Variants in ARMC5 observed in about 807,000 individuals in gnomAD.
ARMC5 encodes the protein armadillo repeat containing 5.
Under a neutral mutation model 60.5 loss-of-function variants are expected in ARMC5, and 28 were observed. The observed-to-expected ratio is 0.46, with a 90% CI of 0.34 to 0.63. The LOEUF (loss-of-function observed/expected upper bound fraction) is 0.63, where lower values mean the gene tolerates loss of function less well. Among genes scored for constraint, ARMC5 ranks in the 30% least tolerant of loss-of-function variants. ARMC5 has a pLI of 0.01. For synonymous variants in ARMC5, 680 were observed against 607.3 expected (o/e 1.12, Z -1.76); for missense variants, 1,189 against 1,304.9 (o/e 0.91, Z 1.37).
rs1368497412 is a variant in ARMC5 at position 31,461,936 on chromosome 16, T to C, written c.490T>C (p.Cys164Arg). Residue 164 changes from cysteine to arginine, a missense_variant, in exon 2 of 6, where the codon TGC (cysteine) becomes CGC (arginine). By Grantham distance (180) the Cys-to-Arg change is radical. Coordinates refer to ENST00000268314, the MANE Select transcript of ARMC5 (RefSeq NM_001105247.2). ...TGTCGTTGCAGTGACCATTCTTCAG[T>C]GCATGAAGACAGACAGCATCCAGAA... ...GILPLVTILQ[C>R]MKTDSIQNRT... 4.3e-6 allele frequency: 7 copies of C among 1,614,152 alleles called. No homozygotes were observed. The highest frequency in any genetic ancestry group is 5.9e-6 in the Non-Finnish European group (7 of 1,179,974).
rs866494063 is a variant in ARMC5 at position 31,464,726 on chromosome 16, G to A, written c.1703G>A (p.Arg568His). 1.9e-6 allele frequency: 3 copies of A among 1,599,082 alleles called. No homozygotes were observed. The highest frequency in any genetic ancestry group is 1.7e-5 in the Admixed American group (1 of 59,944). Residue 568 changes from arginine to histidine, a missense_variant, in exon 4 of 6, where the codon CGC (arginine) becomes CAC (histidine). Coordinates refer to ENST00000268314, the MANE Select transcript of ARMC5 (RefSeq NM_001105247.2). This position sits in a 1 kb window ranked among gnomAD's most constrained non-coding sequence, Gnocchi z 7.6. ...GGCCCGCCCAGCCCACGTGCACTGC[G>A]CATTCTGTCACGCCTCACCTGCAAC... ...APGPPSPRAL[R>H]ILSRLTCNPA...
rs368726142 is a variant in ARMC5, at chr16:31,464,987, C to T, written c.1864+100C>T. The T allele has an allele frequency of 3.1e-6, 5 of 1,610,588 alleles. No individual in the cohort carries two copies. The African/African-American group carries it at 5.3e-5, about 17-fold the overall frequency. ...GAACCTCACCTTCCCACTCACCTGT[C>T]CTCCCCAGCCCGTCCTCCAGACAAC... On this transcript the variant is annotated intron_variant, in intron 4 of 5. Coordinates refer to ENST00000268314, the MANE Select transcript of ARMC5 (RefSeq NM_001105247.2). This position sits in a 1 kb window ranked among gnomAD's most constrained non-coding sequence, Gnocchi z 7.6.
rs547658734 is a variant in ARMC5, at chr16:31,462,882, T to C, written c.1335T>C (p.Pro445=). 2.4e-5 allele frequency: 38 copies of C among 1,610,982 alleles called. No individual in the cohort carries two copies. In the East Asian group the frequency reaches 7.6e-4, roughly 32 times the overall value. The change falls in exon 3 of 6, where the codon CCT becomes CCC. Residue 445 remains proline, a synonymous_variant. Coordinates refer to ENST00000268314, the MANE Select transcript of ARMC5 (RefSeq NM_001105247.2). The surrounding 1 kb of genome is among the most constrained non-coding windows in gnomAD (Gnocchi z 7.2). ...GGGACTTTCCTGAGGAGAGGACCCC[T>C]GAGCGGGCACAGGGTGGAAGCTTCC... ...ASWDFPEERT[P]ERAQGGSFRS... is the part of the protein sequence containing the mutation.
Position 31,465,703 on chromosome 16 carries a change from G to A in ARMC5, c.1865-147G>A, listed in dbSNP as rs985649055. ...TTGTCCTGGACCTCAGGTTCCCAGC[G>A]TCCCGAGCCCAGCACTGTCTCTTCA... On this transcript the variant is annotated intron_variant, in intron 4 of 5. Transcript: ENST00000268314. 3.5e-5 allele frequency: 51 copies of A among 1,468,844 alleles called. No homozygotes were observed. In the Middle Eastern group the frequency reaches 8.5e-4, roughly 24 times the overall value. 91.0% of individuals were successfully genotyped at this position (1,468,844 alleles called of 1,614,324 possible).
At chr16:31,465,141 C>G (rs1196219012) in intron 4 of ARMC5, 1 of 1,613,502 alleles carries the variant, frequency 6.2e-7, no homozygotes, top group South Asian at 1.1e-5. Context: ...GCCCCGCGCC[C>G]AGGATCTGGG....
In ARMC5 at chr16:31,466,232, C is replaced by T; in HGVS notation, c.2151C>T (p.Ser717=). 1 of 1,613,766 alleles carries T rather than the reference C, an allele frequency of 6.2e-7. No homozygotes were observed. Residue 717 remains serine, a synonymous_variant, in exon 6 of 6, where the codon AGC becomes AGT. Coordinates refer to ENST00000268314, the MANE Select transcript of ARMC5 (RefSeq NM_001105247.2). This position sits in a 1 kb window ranked among gnomAD's most constrained non-coding sequence, Gnocchi z 8.0. ...AAGACCTGGTGTCTCCCACTGTGAG[C>T]CCAGCTGTCCCACAGGCAGTCCCCA... is the stretch of plus-strand genomic sequence containing the variant. ...CLQDLVSPTV[S]PAVPQAVPMD... is the part of the protein sequence containing the mutation.
intron 4 of ARMC5, 183 bp downstream of exon 4, chr16:31,465,070 C>G: frequency 6.2e-7 from 1 of 1,613,992 alleles, no homozygotes; most frequent in South Asian, 1.1e-5. Flanking sequence ...GGCCCACAGG[C>G]AGAGTTCTGC....
chr16:31,466,375 CG>C lies in ARMC5; in HGVS notation c.2296del (p.Ala766ProfsTer151). 1 of 1,612,774 alleles carries C rather than the reference CG, an allele frequency of 6.2e-7. No individual in the cohort carries two copies. The highest frequency in any genetic ancestry group is 8.5e-7 in the Non-Finnish European group (1 of 1,179,846). On this transcript the variant is annotated frameshift_variant, in exon 6 of 6. Transcript: ENST00000268314. LOFTEE classifies it high-confidence loss of function. This position sits in a 1 kb window ranked among gnomAD's most constrained non-coding sequence, Gnocchi z 8.0. ...GGCCTCCAGCTCCCTGCCCAGCGAG[CG>C]GCCTCAGCCACCGCCTCCCCTTTCT... Reference protein sequence around the residue: ...DSGLQLPAQRAASATASPFFR... With the variant: ...DSGLQLPAQRXASATASPFFR...
At chr16:31,459,478 T>G (rs1372928234), upstream of ARMC5, 1 of 1,570,326 alleles carries the variant, frequency 6.4e-7, no homozygotes, top group Non-Finnish European at 8.6e-7. Flanking sequence ...TTCCGCTCCC[T>G]GGGATCAGCG....
chr16:31,464,694 C>T lies in ARMC5; in HGVS notation c.1671C>T (p.Gly557=), dbSNP rs780901092. 66 of 1,598,350 alleles carry T rather than the reference C, an allele frequency of 4.1e-5. No homozygotes were observed. Among genetic ancestry groups the T allele is most frequent in the Middle Eastern group, 3.3e-4 (2 of 6,072 alleles). ...ALYGLLTYVT[G]APGPPSPRAL... is the part of the protein sequence containing the mutation. Reference sequence around the variant, plus strand: ...ACGGCCTGCTGACCTATGTGACCGGCGCACCGGGCCCGCCCAGCCCACGTG... The same window carrying T: ...ACGGCCTGCTGACCTATGTGACCGGTGCACCGGGCCCGCCCAGCCCACGTG... Residue 557 remains glycine, a synonymous_variant, in exon 4 of 6, where the codon GGC becomes GGT. Coordinates refer to ENST00000268314, the MANE Select transcript of ARMC5 (RefSeq NM_001105247.2). The surrounding 1 kb of genome is among the most constrained non-coding windows in gnomAD (Gnocchi z 7.6).
chr16:31,459,349 G>A (rs375708859), upstream of ARMC5: 1 of 1,535,826 alleles, frequency 6.5e-7, no homozygotes, highest in Non-Finnish European at 8.7e-7. Flanking sequence ...AGGTACTGCC[G>A]CGCCTCGTGT....
At chr16:31,465,149 G>C in intron 4 of ARMC5, 1 of 1,612,522 alleles carries the variant, frequency 6.2e-7, no homozygotes, top group Non-Finnish European at 8.5e-7. Context: ...CCCAGGATCT[G>C]GGCTGGTCTG....
Position 31,466,091 on chromosome 16 carries a change from G to C in ARMC5, c.2010G>C (p.Leu670=). Residue 670 remains leucine (L), a synonymous_variant, in exon 6 of 6, where the codon CTG becomes CTC. Transcript: ENST00000268314. The surrounding 1 kb of genome is among the most constrained non-coding windows in gnomAD (Gnocchi z 8.0). ...TLPFICRKPS[L]WRRLLLEQGG... ...CTCTTCCCTGTAGGAAGCCCTCTCT[G>C]TGGCGCCGGCTGCTTCTGGAGCAGG... is the stretch of plus-strand genomic sequence containing the variant. The C allele has an allele frequency of 6.3e-7, 1 of 1,599,680 alleles. No individual in the cohort carries two copies. The highest frequency in any genetic ancestry group is 2.2e-5 in the East Asian group (1 of 44,874).
chr16:31,459,040 C>T, upstream of ARMC5: 7 of 1,519,754 alleles, frequency 4.6e-6, no homozygotes, highest in South Asian at 7.3e-5. Context: ...GCGGTCAGGA[C>T]CCCGCACTTT....
At chr16:31,459,042 C>T, upstream of ARMC5, 1 of 1,518,508 alleles carries the variant, frequency 6.6e-7, no homozygotes, top group African/African-American at 1.4e-5. Context: ...GGTCAGGACC[C>T]CGCACTTTCG....
chr16:31,464,642 G>T lies in ARMC5; in HGVS notation c.1619G>T (p.Gly540Val). 1 of 1,598,208 alleles carries T rather than the reference G, an allele frequency of 6.3e-7. No homozygotes were observed. Reference sequence around the variant, plus strand: ...TTTTCCCAGGCCCCTGACCCAAGTGGGGCACTTGTGACCGGCCCGGCGCTG... The same window carrying T: ...TTTTCCCAGGCCCCTGACCCAAGTGTGGCACTTGTGACCGGCCCGGCGCTG... ...SRFSQAPDPS[G>V]ALVTGPALYG... Residue 540 changes from glycine to valine, a missense_variant, in exon 4 of 6, where the codon GGG becomes GTG. Around this residue, in one of 2 missense-constraint regions of ARMC5, gnomAD observed 862 missense variants for 1,071.2 expected, o/e 0.80. Coordinates refer to ENST00000268314, the MANE Select transcript of ARMC5 (RefSeq NM_001105247.2). The surrounding 1 kb of genome is among the most constrained non-coding windows in gnomAD (Gnocchi z 7.6).
In ARMC5 at chr16:31,461,910, C is replaced by G. The variant is rs2082306634; in HGVS notation, c.476-12C>G. On this transcript the variant is annotated splice_polypyrimidine_tract_variant and intron_variant, in intron 1 of 5. Coordinates refer to ENST00000268314, the MANE Select transcript of ARMC5 (RefSeq NM_001105247.2). ...GGGGTAGAACCCTCACAAGCCCAAA[C>G]TGTCGTTGCAGTGACCATTCTTCAG... 1 of 1,611,872 alleles carries G rather than the reference C, an allele frequency of 6.2e-7. No homozygotes were observed. Among genetic ancestry groups the G allele is most frequent in the Non-Finnish European group, 8.5e-7 (1 of 1,177,906 alleles).
chr16:31,464,277 G>A lies in ARMC5; in HGVS notation c.1371-117G>A, dbSNP rs949309115. The A allele has an allele frequency of 1.9e-5, 17 of 897,774 alleles. No individual in the cohort carries two copies. The highest frequency in any genetic ancestry group is 3.7e-5 in the African/African-American group (2 of 53,514). The allele number at this position is 897,774 out of a possible 1,614,324, so 55.6% of individuals were successfully genotyped here. ...TGCATTCCAGCCTGGGCTATAGAGG[G>A]ATACCACATTTCTTTAAAAAAAAAA... On this transcript the variant is annotated intron_variant, in intron 3 of 5. Transcript: ENST00000268314. The surrounding 1 kb of genome is among the most constrained non-coding windows in gnomAD (Gnocchi z 7.6).
At chr16:31,461,876 A>G (rs1353949281) in intron 1 of ARMC5, 46 bp from the exon 2 acceptor site, 12 of 1,546,026 alleles carry the variant, frequency 7.8e-6, no homozygotes, top group Non-Finnish European at 1.1e-5. Context: ...TTGATGTGAG[A>G]GACAGTAAGG....
Sources: gnomAD v4.1 joint callset for allele counts on GRCh38, gnomAD v4.1.1 for gene constraint, gnomAD v4.1.1 regional missense constraint, Gnocchi (gnomAD v3.1) non-coding constraint, MANE v1.5 for transcripts, NCBI Gene and HGNC (gene_info 2026-07-23, HGNC 2026-07-21) for gene names.